Variants in WDR25 observed in about 807,000 individuals in gnomAD.
WDR25 encodes the protein WD repeat domain 25, also known as WD repeat-containing protein 25.
Under a neutral mutation model 47.7 loss-of-function variants are expected in WDR25, and 35 were observed. The observed-to-expected ratio is 0.73, with a 90% CI of 0.56 to 0.97. WDR25 has a LOEUF of 0.97. WDR25 is among the 50% of genes least tolerant of loss of function. WDR25 has a pLI of 0.00. For missense variants in WDR25, 634 were observed against 704.7 expected, an observed-to-expected ratio of 0.90 and a Z score of 1.14; for synonymous variants, 248 against 278.9, an observed-to-expected ratio of 0.89 and a Z score of 1.10.
chr14:100,526,663 C>G (rs371947363), intron 5 of WDR25, among the ~76,000 whole-genome samples: 1,569 of 150,222 alleles, frequency 0.01, 25 homozygotes, highest in African/African-American at 0.037. Flanking sequence ...ATCAACATCA[C>G]TACCACCACC....
At chr14:100,412,893 G>C (rs1287461004) in intron 2 of WDR25, among the ~76,000 whole-genome samples, 1 of 152,108 alleles carries the variant, frequency 6.6e-6, no homozygotes. Flanking sequence ...ACAGTGGCGC[G>C]ATCTTGGCTC....
At chr14:100,412,442 C>T (rs1170179570) in intron 2 of WDR25, among the ~76,000 whole-genome samples, 2 of 151,974 alleles carry the variant, frequency 1.3e-5, no homozygotes, top group Non-Finnish European at 2.9e-5. Context: ...CTCTTGGAGA[C>T]GTCTAGGGAG....
At chr14:100,414,903 C>CAAAA (rs35444675) in intron 2 of WDR25, among the ~76,000 whole-genome samples, 1 of 113,580 alleles carries the variant, frequency 8.8e-6, no homozygotes, top group Admixed American at 9.9e-5. Context: ...GACTCCATCT[C>CAAAA]AAAAAAAAAA....
At chr14:100,389,364 T>C (rs1033821168) in intron 2 of WDR25, among the ~76,000 whole-genome samples, 2 of 152,204 alleles carry the variant, frequency 1.3e-5, no homozygotes, top group Non-Finnish European at 2.9e-5. Flanking sequence ...CTCCCCCAGA[T>C]TGTTAGTATT....
chr14:100,462,659 A>G (rs1899454083), intron 2 of WDR25, among the ~76,000 whole-genome samples: 1 of 152,150 alleles, frequency 6.6e-6, no homozygotes, highest in South Asian at 2.1e-4. Context: ...CTGATTTGGG[A>G]GTTCCCCTGG....
At position 100,504,007 on chromosome 14, in the gene WDR25, C is replaced by G. The variant is rs544382743; in HGVS notation, c.1101+19883C>G. Among the ~76,000 whole-genome samples, 49 of 152,342 alleles carry G rather than the reference C, an allele frequency of 3.2e-4. 1 individual carries two copies. The highest frequency in any genetic ancestry group is 1.0e-3 in the African/African-American group (43 of 41,582). ...AATGAACCTTTATGCAACCAGCATC[C>G]TGTTTTAACAATTATAAAATTATGG... On this transcript the variant is annotated intron_variant, in intron 4 of 6. Transcript: ENST00000402312.
intron 1 of WDR25, among the ~76,000 whole-genome samples, chr14:100,379,785 A>T (rs1170613702): frequency 3.3e-5 from 5 of 151,234 alleles, no homozygotes; most frequent in Non-Finnish European, 5.9e-5. Context: ...TCTGTCACCC[A>T]GTCTGGAGTG....
chr14:100,381,982 AT>A (rs1454922339), intron 2 of WDR25: 1 of 678,108 alleles, frequency 1.5e-6, no homozygotes, highest in African/African-American at 1.8e-5. Flanking sequence ...ACTGTTTCTT[AT>A]CCCTCTCGGA....
At chr14:100,467,379 G>A (rs1301051695) in intron 2 of WDR25, among the ~76,000 whole-genome samples, 5 of 152,060 alleles carry the variant, frequency 3.3e-5, no homozygotes, top group East Asian at 3.9e-4. Flanking sequence ...TGCCAGGGAC[G>A]CAGGTGAGCC....
chr14:100,524,292 T>C (rs1595087682), intron 4 of WDR25, among the ~76,000 whole-genome samples: 2 of 151,420 alleles, frequency 1.3e-5, no homozygotes, highest in African/African-American at 4.9e-5. Context: ...AGATAACTTA[T>C]GTGAACCCCC....
rs983899111 is a variant in WDR25, at chr14:100,525,177, T to C, written c.1102-693T>C. Among the ~76,000 whole-genome samples, 5 of 152,238 alleles carry C rather than the reference T, an allele frequency of 3.3e-5. No individual in the cohort carries two copies. The highest frequency in any genetic ancestry group is 1.2e-4 in the African/African-American group (5 of 41,464). On this transcript the variant is annotated intron_variant, in intron 4 of 6. Coordinates refer to ENST00000402312, the MANE Select transcript of WDR25 (RefSeq NM_001161476.3). The surrounding 1 kb of genome is among the most constrained non-coding windows in gnomAD (Gnocchi z 4.6). ...CTGTGAGTTTGTTAAGTGGAGCTACTTGCTGGTCCTGGTACTGGGACCCTT... is the reference window on the plus strand; with the variant it reads ...CTGTGAGTTTGTTAAGTGGAGCTACCTGCTGGTCCTGGTACTGGGACCCTT...
Position 100,529,121 on chromosome 14 carries a change from G to C in WDR25, c.1326G>C (p.Leu442=). ...LALHPREPVF[L]AQTNGNYLAL... is the part of the protein sequence containing the mutation. Reference sequence around the variant, plus strand: ...TGCACCCGAGAGAGCCCGTGTTCCTGGCACAGACCAATGGCAACTACCTGG... The same window carrying C: ...TGCACCCGAGAGAGCCCGTGTTCCTCGCACAGACCAATGGCAACTACCTGG... The change falls in exon 6 of 7, where the codon CTG becomes CTC. Residue 442 remains leucine, a synonymous_variant. Transcript: ENST00000402312. The surrounding 1 kb of genome is among the most constrained non-coding windows in gnomAD (Gnocchi z 5.1). 6.3e-7 allele frequency: 1 copy of C among 1,595,920 alleles called. No homozygotes were observed. Among genetic ancestry groups the C allele is most frequent in the South Asian group, 1.1e-5 (1 of 90,248 alleles).
chr14:100,528,075 G>A (rs1470523347), intron 5 of WDR25, among the ~76,000 whole-genome samples: 1 of 152,110 alleles, frequency 6.6e-6, no homozygotes, highest in Non-Finnish European at 1.5e-5. Context: ...GGGCTGGGCT[G>A]GGCTGTCCCT....
In WDR25 at chr14:100,498,986, C is replaced by CA. The variant is rs942225235; in HGVS notation, c.1101+14868dup. ...TGCAAGCAGGGTGTAGGGGTAGAGGCAAAAAAGGGCCTTGGAGACCTGGAG... is the reference window on the plus strand; with the variant it reads ...TGCAAGCAGGGTGTAGGGGTAGAGGCAAAAAAAGGGCCTTGGAGACCTGGAG... On this transcript the variant is annotated intron_variant, in intron 4 of 6. Transcript: ENST00000402312. This position sits in a 1 kb window ranked among gnomAD's most constrained non-coding sequence, Gnocchi z 4.2. Among the ~76,000 whole-genome samples, 3 of 151,786 alleles carry CA rather than the reference C, an allele frequency of 2.0e-5. No homozygotes were observed. Among genetic ancestry groups the CA allele is most frequent in the African/African-American group, 7.3e-5 (3 of 41,336 alleles).
intron 3 of WDR25, among the ~76,000 whole-genome samples, chr14:100,478,193 A>G (rs1212551791): frequency 1.3e-5 from 2 of 152,244 alleles, no homozygotes; most frequent in Non-Finnish European, 2.9e-5. Context: ...TTGGGGTTTA[A>G]TTTTGTAAAC....
chr14:100,396,035 G>A (rs1230753028), intron 2 of WDR25, among the ~76,000 whole-genome samples: 4 of 147,960 alleles, frequency 2.7e-5, no homozygotes, highest in Admixed American at 2.0e-4. Context: ...GGAGTGCAGT[G>A]GTGCAATCTC....
intron 4 of WDR25, among the ~76,000 whole-genome samples, chr14:100,505,219 T>C (rs1226955664): frequency 6.6e-6 from 1 of 152,224 alleles, no homozygotes; most frequent in Non-Finnish European, 1.5e-5. Flanking sequence ...TTGCCATACA[T>C]TTATTCAGGG....
At chr14:100,501,392 G>A (rs1457924824) in intron 4 of WDR25, among the ~76,000 whole-genome samples, 1 of 152,180 alleles carries the variant, frequency 6.6e-6, no homozygotes, top group Non-Finnish European at 1.5e-5. Context: ...ATCATGAGCT[G>A]TCTTCAGTTT....
intron 2 of WDR25, among the ~76,000 whole-genome samples, chr14:100,388,864 C>T (rs779004964): frequency 6.6e-6 from 1 of 152,204 alleles, no homozygotes; most frequent in Non-Finnish European, 1.5e-5. Flanking sequence ...AGGAAGAAAA[C>T]AGCCGTGTGA....
Sources: gnomAD v4.1 joint callset for allele counts (sites outside exome capture counted in the v4.1 genomes callset) on GRCh38, gnomAD v4.1.1 for gene constraint, Gnocchi (gnomAD v3.1) non-coding constraint, MANE v1.5 for transcripts, NCBI Gene and HGNC (gene_info 2026-07-23, HGNC 2026-07-21) for gene names.